The following CNTLN variants were observed in gnomAD, a reference collection of about 807,000 sequenced individuals.
The protein encoded by CNTLN is centlein, centrosomal protein.
Under a neutral mutation model 180.0 loss-of-function variants are expected in CNTLN, and 212 were observed. The ratio of observed to expected loss-of-function variants is 1.18; its 90% CI spans 1.05 to 1.32. The LOEUF (loss-of-function observed/expected upper bound fraction) is 1.32. Ranked by LOEUF, CNTLN falls within the 40% of genes most tolerant of loss-of-function variation. CNTLN has a pLI of 0.00. For missense variants in CNTLN, 2,095 were observed against 1,610.9 expected, an observed-to-expected ratio of 1.30 and a Z score of -5.14; for synonymous variants, 722 against 563.1, an observed-to-expected ratio of 1.28 and a Z score of -3.99.
intron 23 of CNTLN, among the ~76,000 whole-genome samples, chr9:17,483,955 C>G (rs1832771633): frequency 6.6e-6 from 1 of 152,158 alleles, no homozygotes. Flanking sequence ...TAATGAGAAC[C>G]TGACTCTTAG....
intron 5 of CNTLN, among the ~76,000 whole-genome samples, chr9:17,253,083 T>C (rs762629450): frequency 2.0e-5 from 3 of 151,756 alleles, no homozygotes; most frequent in Admixed American, 1.3e-4. Flanking sequence ...CAGCTATGAA[T>C]TGGTGGATTT....
At chr9:17,264,846 G>A (rs1308278861) in intron 5 of CNTLN, among the ~76,000 whole-genome samples, 2 of 151,632 alleles carry the variant, frequency 1.3e-5, no homozygotes, top group East Asian at 3.9e-4. Context: ...CTGTTTGTCT[G>A]TTGTTGGTGT....
intron 15 of CNTLN, among the ~76,000 whole-genome samples, chr9:17,406,742 A>G (rs1001107991): frequency 2.0e-5 from 3 of 151,834 alleles, no homozygotes; most frequent in African/African-American, 4.9e-5. Flanking sequence ...ATTCTTTCAC[A>G]TGCATAGGGC....
intron 6 of CNTLN, among the ~76,000 whole-genome samples, chr9:17,289,104 C>G (rs1461152581): frequency 8.1e-6 from 1 of 123,362 alleles, no homozygotes. Context: ...TTCCTAGTCT[C>G]CATGGTCTTT....
chr9:17,492,495 G>A (rs922921648), intron 25 of CNTLN, among the ~76,000 whole-genome samples: 7 of 152,018 alleles, frequency 4.6e-5, no homozygotes, highest in Admixed American at 1.3e-4. Flanking sequence ...AACTTTTATC[G>A]AGTGCTGATA....
chr9:17,399,294 C>A (rs547661167), intron 15 of CNTLN, among the ~76,000 whole-genome samples: 2 of 152,236 alleles, frequency 1.3e-5, no homozygotes, highest in African/African-American at 4.8e-5. Flanking sequence ...CAAATGAGAA[C>A]TTAGAGGGAA....
intron 8 of CNTLN, among the ~76,000 whole-genome samples, chr9:17,315,235 T>G (rs1819460798): frequency 6.6e-6 from 1 of 152,164 alleles, no homozygotes; most frequent in Admixed American, 6.5e-5. Context: ...CCTTTATTTC[T>G]GAACAGTATT....
intron 8 of CNTLN, among the ~76,000 whole-genome samples, chr9:17,313,186 ATTTCAGCACATAGG>A (rs1819326543): frequency 6.6e-6 from 1 of 152,046 alleles, no homozygotes; most frequent in Non-Finnish European, 1.5e-5. Context: ...CATTCTTTTA[ATTTCAGCACATAGG>A]TTACTGTATA....
chr9:17,214,502 T>A (rs1823583846), intron 2 of CNTLN, among the ~76,000 whole-genome samples: 1 of 152,200 alleles, frequency 6.6e-6, no homozygotes. Flanking sequence ...TTCCGTCATT[T>A]CAACTTTGGT....
intron 2 of CNTLN, among the ~76,000 whole-genome samples, chr9:17,215,441 G>A (rs1823671522): frequency 6.6e-6 from 1 of 152,196 alleles, no homozygotes; most frequent in African/African-American, 2.4e-5. Flanking sequence ...ACCCAGACAT[G>A]TGAGGTGTCA....
chr9:17,142,874 T>C (rs759918247), intron 1 of CNTLN, among the ~76,000 whole-genome samples: 4 of 152,210 alleles, frequency 2.6e-5, no homozygotes, highest in Admixed American at 6.5e-5. Context: ...ATAATGATTT[T>C]AGCATAATGG....
At chr9:17,272,661 A>G (rs1828033283) in intron 5 of CNTLN, among the ~76,000 whole-genome samples, 1 of 152,110 alleles carries the variant, frequency 6.6e-6, no homozygotes, top group Non-Finnish European at 1.5e-5. Context: ...GTGTGTTAAA[A>G]AATTTCTTCT....
chr9:17,492,730 T>A (rs1241058593), intron 25 of CNTLN, among the ~76,000 whole-genome samples: 1 of 152,160 alleles, frequency 6.6e-6, no homozygotes, highest in African/African-American at 2.4e-5. Flanking sequence ...TAATTCTGCC[T>A]TGGGGTATAT....
chr9:17,235,128 G>A (rs1396872509), intron 3 of CNTLN, among the ~76,000 whole-genome samples: 2 of 152,240 alleles, frequency 1.3e-5, no homozygotes, highest in Non-Finnish European at 2.9e-5. Context: ...GTATCTCACA[G>A]GTGAGAAGAA....
chr9:17,281,126 T>G (rs574632637), intron 6 of CNTLN, among the ~76,000 whole-genome samples: 1 of 152,296 alleles, frequency 6.6e-6, no homozygotes, highest in East Asian at 1.9e-4. Context: ...AATGGCTTAT[T>G]TTTTGTACTT....
chr9:17,374,991 C>G (rs987430721), intron 13 of CNTLN, among the ~76,000 whole-genome samples: 1 of 152,054 alleles, frequency 6.6e-6, no homozygotes, highest in African/African-American at 2.4e-5. Flanking sequence ...CAGCATTATT[C>G]ATAATAGCCA....
chr9:17,336,144 TC>T (rs1821018458), intron 10 of CNTLN, among the ~76,000 whole-genome samples: 1 of 152,174 alleles, frequency 6.6e-6, no homozygotes, highest in Non-Finnish European at 1.5e-5. Flanking sequence ...TGTTGTAAGA[TC>T]TTTGGTGGTA....
At chr9:17,504,603 C>T (rs1237466316), downstream of CNTLN, among the ~76,000 whole-genome samples, 7 of 152,032 alleles carry the variant, frequency 4.6e-5, no homozygotes, top group Admixed American at 6.6e-5. Flanking sequence ...CTTGGATTAC[C>T]GATGTGAGCC....
chr9:17,446,982 GT>G (rs2134084476), intron 18 of CNTLN, among the ~76,000 whole-genome samples: 1 of 152,260 alleles, frequency 6.6e-6, no homozygotes, highest in East Asian at 1.9e-4. Flanking sequence ...TACTTTAAAA[GT>G]TATGGCCTCT....
Sources: gnomAD v4.1 joint callset for allele counts (sites outside exome capture counted in the v4.1 genomes callset) on GRCh38, gnomAD v4.1.1 for gene constraint, MANE v1.5 for transcripts, NCBI Gene and HGNC (gene_info 2026-07-23, HGNC 2026-07-21) for gene names.